RNF217: variants seen among roughly 807,000 people sequenced by gnomAD.
The protein encoded by RNF217 is ring finger protein 217.
A neutral mutation model predicts 57.8 loss-of-function variants in RNF217; 31 were observed. The observed-to-expected ratio is 0.54, with a 90% CI of 0.40 to 0.72. The LOEUF is 0.72. RNF217 is among the 30% of genes least tolerant of loss of function. The probability of loss-of-function intolerance (pLI) is 0.00; values close to 1 mark genes in which losing one functional copy is unlikely to be tolerated. For missense variants in RNF217, 696 were observed against 708.3 expected, an observed-to-expected ratio of 0.98 and a Z score of 0.20; for synonymous variants, 313 against 294.0, an observed-to-expected ratio of 1.06 and a Z score of -0.66.
chr6:125,056,445 G>T (rs942484545), intron 2 of RNF217, among the ~76,000 whole-genome samples: 10 of 152,118 alleles, frequency 6.6e-5, no homozygotes, highest in African/African-American at 2.2e-4. Context: ...TAAGCCTTAT[G>T]ACAGAATACC....
rs1788914798 is a variant in RNF217, at chr6:125,090,771, C to T, written c.*7834C>T. 1 of 151,608 alleles carries T rather than the reference C, an allele frequency of 6.6e-6. No homozygotes were observed. Among genetic ancestry groups the T allele is most frequent in the Non-Finnish European group, 1.5e-5 (1 of 67,782 alleles). 9.4% of individuals were successfully genotyped at this position (151,608 alleles called of 1,614,324 possible). ...TAATATTTTTCAAGTTTAAAATGGACCGGGTTGAAAAGAGATTTCATTGAT... is the reference window on the plus strand; with the variant it reads ...TAATATTTTTCAAGTTTAAAATGGATCGGGTTGAAAAGAGATTTCATTGAT... On this transcript the variant is annotated 3_prime_UTR_variant, in exon 6 of 6. Transcript: ENST00000521654.
At chr6:125,011,099 A>G (rs769794458) in intron 1 of RNF217, among the ~76,000 whole-genome samples, 17 of 152,174 alleles carry the variant, frequency 1.1e-4, no homozygotes, top group Non-Finnish European at 2.4e-4. Context: ...AAGAATGTTA[A>G]GAAAAGAAAT....
At chr6:124,966,855 G>A (rs1211915114) in intron 1 of RNF217, among the ~76,000 whole-genome samples, 2 of 152,168 alleles carry the variant, frequency 1.3e-5, no homozygotes, top group African/African-American at 2.4e-5. Context: ...TATAGACATA[G>A]CAAATTAGAT....
At chr6:124,974,229 G>C (rs1285746902) in intron 1 of RNF217, among the ~76,000 whole-genome samples, 1 of 152,126 alleles carries the variant, frequency 6.6e-6, no homozygotes, top group Non-Finnish European at 1.5e-5. Context: ...AGAATTTGGG[G>C]CCATATTTTA....
In RNF217 at chr6:124,981,726, G is replaced by A. The variant is rs113161323; in HGVS notation, c.882+18300G>A. Among the ~76,000 whole-genome samples the A allele has an allele frequency of 3.9e-3, 592 of 152,062 alleles. 6 individuals are homozygous for A. Among genetic ancestry groups the A allele is most frequent in the African/African-American group, 0.014 (562 of 41,510 alleles). On this transcript the variant is annotated intron_variant, in intron 1 of 5. Transcript: ENST00000521654. ...AATCAACACAACTGTTTAACATAGAGTAAAGATCTTGGCCGAGGGCGGTGA... is the reference window on the plus strand; with the variant it reads ...AATCAACACAACTGTTTAACATAGAATAAAGATCTTGGCCGAGGGCGGTGA...
In RNF217 at chr6:125,007,637, G is replaced by C. The variant is rs555199827; in HGVS notation, c.883-37574G>C. Among the ~76,000 whole-genome samples the C allele has an allele frequency of 5.9e-5, 9 of 152,268 alleles. No individual in the cohort carries two copies. The East Asian group carries it at 1.7e-3, about 29-fold the overall frequency. On this transcript the variant is annotated intron_variant, in intron 1 of 5. Coordinates refer to ENST00000521654, the MANE Select transcript of RNF217 (RefSeq NM_001286398.3). ...CTTGGGGTGCAGACATCTTTTGTTT[G>C]TGGTGACTAATGCTTCTAACATGTT...
intron 1 of RNF217, among the ~76,000 whole-genome samples, chr6:125,024,311 G>A (rs1046615665): frequency 1.3e-5 from 2 of 152,204 alleles, no homozygotes; most frequent in African/African-American, 2.4e-5. Flanking sequence ...GGCCAGGCAC[G>A]GTGGCTCACG....
intron 1 of RNF217, among the ~76,000 whole-genome samples, chr6:124,990,355 G>A (rs1446463183): frequency 6.6e-6 from 1 of 151,934 alleles, no homozygotes; most frequent in African/African-American, 2.4e-5. Context: ...TTTATATCCC[G>A]AGCTCAGACA....
intron 1 of RNF217, among the ~76,000 whole-genome samples, chr6:125,020,620 A>C (rs1785799820): frequency 6.6e-6 from 1 of 152,108 alleles, no homozygotes; most frequent in Non-Finnish European, 1.5e-5. Flanking sequence ...CTGGGCTGCC[A>C]AGTAAACATC....
intron 1 of RNF217, among the ~76,000 whole-genome samples, chr6:125,029,061 A>T (rs1786234113): frequency 6.6e-6 from 1 of 152,186 alleles, no homozygotes; most frequent in South Asian, 2.1e-4. Context: ...GCAGAACAGG[A>T]TTCTCTAAAA....
chr6:125,076,584 A>T, intron 3 of RNF217, 73 bp from the exon 4 acceptor site: 1 of 964,090 alleles, frequency 1.0e-6, no homozygotes, highest in East Asian at 2.4e-5. Flanking sequence ...GTGTTGTTTC[A>T]TAAAATTTGC....
intron 1 of RNF217, among the ~76,000 whole-genome samples, chr6:124,980,050 T>G (rs1329182654): frequency 6.6e-6 from 1 of 152,186 alleles, no homozygotes; most frequent in Non-Finnish European, 1.5e-5. Context: ...AGCTGCAGTT[T>G]TTATCTTTCA....
Position 125,082,884 on chromosome 6 carries a change from T to C in RNF217, c.1576T>C (p.Tyr526His). Residue 526 changes from tyrosine (Y) to histidine (H), a missense_variant, in exon 6 of 6, where the codon TAT becomes CAT. This residue lies in a region of RNF217 where 231 missense variants were observed against 321.4 expected (regional missense o/e 0.72). Coordinates refer to ENST00000521654, the MANE Select transcript of RNF217 (RefSeq NM_001286398.3). Reference sequence around the variant, plus strand: ...CCTAGGTTTATTTGTATTTCCTATCTATTGCCTTTGTAAAAAACAGAGAAA... The same window carrying C: ...CCTAGGTTTATTTGTATTTCCTATCCATTGCCTTTGTAAAAAACAGAGAAA... ...VVIGLFVFPI[Y>H]CLCKKQRKRS... The C allele has an allele frequency of 1.2e-6, 2 of 1,603,780 alleles. No individual in the cohort carries two copies. The highest frequency in any genetic ancestry group is 1.7e-6 in the Non-Finnish European group (2 of 1,176,382).
chr6:124,977,814 T>A (rs954358204), intron 1 of RNF217, among the ~76,000 whole-genome samples: 2 of 152,158 alleles, frequency 1.3e-5, no homozygotes, highest in African/African-American at 4.8e-5. Flanking sequence ...TCACCTCTTC[T>A]GAAAAAACAA....
intron 2 of RNF217, among the ~76,000 whole-genome samples, chr6:125,052,211 G>T (rs1439565030): frequency 6.6e-6 from 1 of 151,680 alleles, no homozygotes; most frequent in African/African-American, 2.4e-5. Flanking sequence ...GGAAACCAAT[G>T]TTGAGGGAGT....
At chr6:125,020,224 C>T (rs1434419694) in intron 1 of RNF217, among the ~76,000 whole-genome samples, 1 of 152,164 alleles carries the variant, frequency 6.6e-6, no homozygotes, top group Non-Finnish European at 1.5e-5. Context: ...TGTATTTCAA[C>T]AAACAAATAC....
At chr6:125,054,802 G>A (rs1158041710) in intron 2 of RNF217, among the ~76,000 whole-genome samples, 2 of 152,128 alleles carry the variant, frequency 1.3e-5, no homozygotes, top group Non-Finnish European at 2.9e-5. Flanking sequence ...TTGGCTCTGA[G>A]GTCTAAGGAT....
chr6:124,989,922 T>C (rs1784496359), intron 1 of RNF217, among the ~76,000 whole-genome samples: 1 of 151,490 alleles, frequency 6.6e-6, no homozygotes, highest in Non-Finnish European at 1.5e-5. Flanking sequence ...TAGGGCTCCA[T>C]TTTTCCTTGC....
At chr6:124,988,408 A>G (rs1475953999) in intron 1 of RNF217, among the ~76,000 whole-genome samples, 1 of 152,228 alleles carries the variant, frequency 6.6e-6, no homozygotes, top group African/African-American at 2.4e-5. Context: ...ACATCAGGAT[A>G]TTCAGCTTCT....
Sources: gnomAD v4.1 joint callset for allele counts (sites outside exome capture counted in the v4.1 genomes callset) on GRCh38, gnomAD v4.1.1 for gene constraint, gnomAD v4.1.1 regional missense constraint, MANE v1.5 for transcripts, NCBI Gene and HGNC (gene_info 2026-07-23, HGNC 2026-07-21) for gene names.